Variants in ARHGAP42 observed in about 807,000 individuals in gnomAD.
The protein encoded by ARHGAP42 is Rho GTPase activating protein 42, also known as rho GTPase-activating protein 42.
A neutral mutation model predicts 125.0 loss-of-function variants in ARHGAP42; 63 were observed. That is an observed-to-expected ratio of 0.50 (90% CI 0.41 to 0.62). ARHGAP42 has a LOEUF of 0.62. Among genes scored for constraint, ARHGAP42 ranks in the 20% least tolerant of loss-of-function variants. ARHGAP42 has a pLI of 0.00. For missense variants in ARHGAP42, 766 were observed against 1,024.2 expected, an observed-to-expected ratio of 0.75 and a Z score of 3.44; for synonymous variants, 339 against 351.0, an observed-to-expected ratio of 0.97 and a Z score of 0.38.
Position 100,875,097 on chromosome 11 carries a change from CTCTCTCTCTCTGTGTG to C in ARHGAP42, c.384+15474_384+15489del, listed in dbSNP as rs796714780. 8.5e-3 allele frequency among the ~76,000 whole-genome samples: 808 copies of C among 95,198 alleles called. 35 individuals are homozygous for C. In the East Asian group the frequency reaches 0.17, roughly 20 times the overall value. The allele number at this position is 95,198 out of a possible 152,430, so 62.5% of individuals were successfully genotyped here. On this transcript the variant is annotated intron_variant, in intron 4 of 23. Coordinates refer to ENST00000298815, the MANE Select transcript of ARHGAP42 (RefSeq NM_152432.4). ...TGTCTCTCTCTCTCTCTCTCTCTCTCTCTCTCTCTCTGTGTGTGTGTGTGTGTGTGTGTGTGTGTGT... is the reference window on the plus strand; with the variant it reads ...TGTCTCTCTCTCTCTCTCTCTCTCTCTGTGTGTGTGTGTGTGTGTGTGTGT...
chr11:100,859,257 A>G (rs762606381), intron 3 of ARHGAP42: 10 of 261,722 alleles, frequency 3.8e-5, no homozygotes, highest in Middle Eastern at 1.1e-3. Context: ...TTAATACCCA[A>G]TGTGCTATTT....
rs1335251972 is a variant in ARHGAP42 at position 100,976,407 on chromosome 11, T to G, written c.2206T>G (p.Ser736Ala). ...GLSGLKRASASSLRSISAAEG... is the reference protein window; with the variant it reads ...GLSGLKRASAASLRSISAAEG... ...TTCAGGACTGAAAAGAGCTTCTGCT[T>G]CTTCTCTCAGATCCATCTCTGCAGC... Residue 736 changes from serine (S) to alanine (A), a missense_variant, in exon 20 of 24, where the codon TCT becomes GCT. Physicochemically the swap from Ser to Ala is moderately conservative, Grantham distance 99. Transcript: ENST00000298815. The G allele has an allele frequency of 1.4e-5, 22 of 1,539,092 alleles. No individual in the cohort carries two copies. Among genetic ancestry groups the G allele is most frequent in the Middle Eastern group, 3.4e-4 (2 of 5,902 alleles).
intron 9 of ARHGAP42, among the ~76,000 whole-genome samples, chr11:100,943,006 C>T (rs1004333051): frequency 2.0e-5 from 3 of 151,808 alleles, no homozygotes; most frequent in African/African-American, 7.3e-5. Context: ...GTAAATGTTC[C>T]CCTTAACATA....
At chr11:100,928,530 G>A (rs1397772673) in intron 6 of ARHGAP42, among the ~76,000 whole-genome samples, 1 of 151,706 alleles carries the variant, frequency 6.6e-6, no homozygotes, top group Non-Finnish European at 1.5e-5. Flanking sequence ...AAACTGCAGT[G>A]AACTCTAATC....
At chr11:100,714,389 TTGTGTGTGTGTG>T (rs10609660) in intron 1 of ARHGAP42, among the ~76,000 whole-genome samples, 1,765 of 149,766 alleles carry the variant, frequency 0.012, 15 homozygotes, top group Non-Finnish European at 0.019. Flanking sequence ...ACATAAAAAT[TTGTGTGTGTGTG>T]TGTGTGTGTG....
intron 4 of ARHGAP42, among the ~76,000 whole-genome samples, chr11:100,891,769 A>G (rs1022054875): frequency 2.6e-5 from 4 of 152,200 alleles, no homozygotes; most frequent in South Asian, 2.1e-4. Context: ...GAAGGGTGCA[A>G]TAGAGACAGA....
chr11:100,986,286 C>G, intron 22 of ARHGAP42: 1 of 354,050 alleles, frequency 2.8e-6, no homozygotes, highest in South Asian at 2.2e-5. Context: ...TAAGATGAAC[C>G]TGAAGTACAT....
intron 1 of ARHGAP42, among the ~76,000 whole-genome samples, chr11:100,717,111 T>C (rs562814372): frequency 6.6e-6 from 1 of 152,302 alleles, no homozygotes; most frequent in Admixed American, 6.5e-5. Context: ...GCAGTCTTGG[T>C]TTTGTTTCAT....
intron 3 of ARHGAP42, chr11:100,816,979 A>G (rs1864281340): frequency 6.6e-6 from 1 of 152,276 alleles, no homozygotes; most frequent in Admixed American, 6.5e-5. Flanking sequence ...AATAACCATT[A>G]GAAGCCACTG....
intron 3 of ARHGAP42, among the ~76,000 whole-genome samples, chr11:100,842,167 G>A (rs926546451): frequency 6.6e-6 from 1 of 152,146 alleles, no homozygotes; most frequent in Non-Finnish European, 1.5e-5. Context: ...ACAAAAAATA[G>A]TCTGTGTCTT....
At chr11:100,840,632 G>C (rs762038582) in intron 3 of ARHGAP42, 2 of 151,888 alleles carry the variant, frequency 1.3e-5, no homozygotes, top group African/African-American at 2.4e-5. Flanking sequence ...CACTTAGAAG[G>C]GTTAAAAGAA....
chr11:100,763,493 AATTT>A (rs560140032), intron 1 of ARHGAP42, among the ~76,000 whole-genome samples: 90 of 152,090 alleles, frequency 5.9e-4, no homozygotes, highest in African/African-American at 2.0e-3. Flanking sequence ...TCTTTTTAAA[AATTT>A]ATTTATTTGA....
chr11:100,869,163 T>G (rs887259962), intron 4 of ARHGAP42, among the ~76,000 whole-genome samples: 3 of 152,090 alleles, frequency 2.0e-5, no homozygotes, highest in Non-Finnish European at 2.9e-5. Context: ...AGAAGGCATC[T>G]AGATGAACAT....
intron 2 of ARHGAP42, among the ~76,000 whole-genome samples, chr11:100,793,916 T>A (rs908385795): frequency 3.3e-5 from 5 of 151,436 alleles, no homozygotes; most frequent in African/African-American, 7.3e-5. Context: ...ACAAAATAAA[T>A]AAGTAAATAA....
intron 3 of ARHGAP42, among the ~76,000 whole-genome samples, chr11:100,844,285 T>A (rs750444841): frequency 6.7e-6 from 1 of 150,302 alleles, no homozygotes; most frequent in Non-Finnish European, 1.5e-5. Context: ...TCTCACCTTA[T>A]GCAAAAATCA....
At chr11:100,746,728 C>A (rs541523275) in intron 1 of ARHGAP42, among the ~76,000 whole-genome samples, 12 of 152,262 alleles carry the variant, frequency 7.9e-5, no homozygotes, top group Admixed American at 7.8e-4. Context: ...CCTATAGGAT[C>A]CTTTCCAGTG....
At chr11:100,930,348 G>T (rs142645355) in intron 6 of ARHGAP42, among the ~76,000 whole-genome samples, 51 of 152,280 alleles carry the variant, frequency 3.3e-4, no homozygotes, top group African/African-American at 1.2e-3. Context: ...TGTTCAAACC[G>T]ATAAAAACGT....
At chr11:100,868,584 CAT>C (rs2135154519) in intron 4 of ARHGAP42, among the ~76,000 whole-genome samples, 1 of 152,272 alleles carries the variant, frequency 6.6e-6, no homozygotes, top group Non-Finnish European at 1.5e-5. Context: ...TGAGATAAAA[CAT>C]ACAGTTCTTT....
chr11:100,787,205 G>A (rs1863457780), intron 2 of ARHGAP42, among the ~76,000 whole-genome samples: 1 of 151,750 alleles, frequency 6.6e-6, no homozygotes, highest in Non-Finnish European at 1.5e-5. Flanking sequence ...ATGAACCTGG[G>A]AGGCAGAGCT....
Sources: allele counts gnomAD v4.1 joint callset (sites outside exome capture counted in the v4.1 genomes callset), GRCh38; gene constraint gnomAD v4.1.1; transcripts MANE v1.5; gene names NCBI Gene and HGNC (gene_info 2026-07-23, HGNC 2026-07-21).